Variants in PXDN observed in about 807,000 individuals in gnomAD.
PXDN encodes the protein peroxidasin.
Under a neutral mutation model 140.3 loss-of-function variants are expected in PXDN, and 77 were observed. That is an observed-to-expected ratio of 0.55 (90% confidence interval 0.46 to 0.66). PXDN has a LOEUF of 0.66. PXDN is among the 30% of genes least tolerant of loss of function. PXDN has a pLI of 0.00. For missense variants in PXDN, 1,838 were observed against 2,039.5 expected, an observed-to-expected ratio of 0.90 and a Z score of 1.90; for synonymous variants, 911 against 857.4, an observed-to-expected ratio of 1.06 and a Z score of -1.09.
rs186696020 is a variant in PXDN at position 1,696,005 on chromosome 2, C to T, written c.201-2871G>A. On this transcript the variant is annotated intron_variant, in intron 1 of 22. Transcript: ENST00000252804. ...GATGGACAGAGAGGTGCTGTCCCAT[C>T]CACAGGCCCCTGTGCCCTGTGTCTG... 3.8e-3 allele frequency among the ~76,000 whole-genome samples: 577 copies of T among 150,892 alleles called. 3 individuals carry two copies. Among genetic ancestry groups the T allele is most frequent in the Middle Eastern group, 0.031 (9 of 286 alleles).
chr2:1,687,506 C>T lies in PXDN; in HGVS notation c.416+126G>A. ...CTGTTTTTCCGTCATCATGCACGTA[C>T]TCCCCGCACCTCAGGTAGCATAGTC... On this transcript the variant is annotated intron_variant, in intron 4 of 22. Coordinates refer to ENST00000252804, the MANE Select transcript of PXDN (RefSeq NM_012293.3). This position sits in a 1 kb window ranked among gnomAD's most constrained non-coding sequence, Gnocchi z 4.0. The T allele has an allele frequency of 1.6e-6, 1 of 616,182 alleles. No individual in the cohort carries two copies. The allele number at this position is 616,182 out of a possible 1,614,324, so 38.2% of individuals were successfully genotyped here.
intron 1 of PXDN, among the ~76,000 whole-genome samples, chr2:1,741,595 A>G (rs1325855930): frequency 1.3e-5 from 2 of 152,170 alleles, no homozygotes; most frequent in African/African-American, 2.4e-5. Flanking sequence ...CTCCTGGAGC[A>G]TTTGAGGGGA....
chr2:1,644,575 G>A (rs1682806981), intron 18 of PXDN, 43 bp downstream of exon 18: 1 of 1,535,770 alleles, frequency 6.5e-7, no homozygotes, highest in Non-Finnish European at 8.8e-7. Context: ...TCCCTAAGAA[G>A]GTGGCTTAGG....
chr2:1,676,046 C>T (rs932458083), intron 8 of PXDN, among the ~76,000 whole-genome samples: 1 of 152,200 alleles, frequency 6.6e-6, no homozygotes, highest in Admixed American at 6.5e-5. Context: ...TTTGAAAGTG[C>T]TCCACTCCAA....
At chr2:1,677,110 C>G in intron 7 of PXDN, 66 bp from the exon 8 acceptor site, 1 of 1,368,248 alleles carries the variant, frequency 7.3e-7, no homozygotes, top group Non-Finnish European at 1.0e-6. Flanking sequence ...AATGACAACA[C>G]ACGCTGAGTT....
Position 1,648,189 on chromosome 2 carries a change from G to T in PXDN, c.3591C>A (p.Ile1197=). ...DLKNEIKNPE[I]REKLKRLYGS... The stretch of plus-strand genomic sequence containing the variant: ...CAGCTCACCTTTTCAGTTTCTCCCG[G>T]ATCTCAGGGTTTTTAATCTCATTTT... Residue 1197 remains isoleucine (I), a synonymous_variant, in exon 17 of 23, where the codon ATC becomes ATA. Coordinates refer to ENST00000252804, the MANE Select transcript of PXDN (RefSeq NM_012293.3). The surrounding 1 kb of genome is among the most constrained non-coding windows in gnomAD (Gnocchi z 8.9). 1.9e-6 allele frequency: 3 copies of T among 1,612,152 alleles called. No homozygotes were observed. Among genetic ancestry groups the T allele is most frequent in the Non-Finnish European group, 2.5e-6 (3 of 1,178,342 alleles).
At chr2:1,736,182 A>G (rs76744496) in intron 1 of PXDN, among the ~76,000 whole-genome samples, 2,087 of 152,294 alleles carry the variant, frequency 0.014, 53 homozygotes, top group African/African-American at 0.047. Context: ...AAACCACTAA[A>G]ACTTCCTCCA....
intron 1 of PXDN, among the ~76,000 whole-genome samples, chr2:1,705,870 G>A (rs767297771): frequency 2.6e-5 from 4 of 152,118 alleles, no homozygotes; most frequent in Admixed American, 6.5e-5. Flanking sequence ...CCTGGGACGC[G>A]TGGAGTGTCA....
In PXDN at chr2:1,639,397, ATT is replaced by A. The variant is rs760707117; in HGVS notation, c.3976_3977del (p.Asn1326CysfsTer13). 3 of 1,614,000 alleles carry A rather than the reference ATT, an allele frequency of 1.9e-6. No homozygotes were observed. The highest frequency in any genetic ancestry group is 2.5e-6 in the Non-Finnish European group (3 of 1,179,880). On this transcript the variant is annotated frameshift_variant, in exon 20 of 23. Coordinates refer to ENST00000252804, the MANE Select transcript of PXDN (RefSeq NM_012293.3). LOFTEE classifies it high-confidence loss of function. The surrounding 1 kb of genome is among the most constrained non-coding windows in gnomAD (Gnocchi z 5.0). The part of the protein sequence containing the change: ...CEDCRTRGQF[N>X]AFSYHFRGRR... ...TGCCTCGGAAATGATAGGAAAAGGCATTGAACTGCCCCCTGGTCCTACAGTCT... is the reference window on the plus strand; with the variant it reads ...TGCCTCGGAAATGATAGGAAAAGGCAGAACTGCCCCCTGGTCCTACAGTCT...
intron 1 of PXDN, among the ~76,000 whole-genome samples, chr2:1,694,785 G>A (rs1684264211): frequency 6.6e-6 from 1 of 152,224 alleles, no homozygotes; most frequent in Non-Finnish European, 1.5e-5. Flanking sequence ...GGAGGGGAAA[G>A]CAGCCATCCA....
At chr2:1,646,832 T>G (rs976728232) in intron 17 of PXDN, among the ~76,000 whole-genome samples, 1 of 152,246 alleles carries the variant, frequency 6.6e-6, no homozygotes, top group Non-Finnish European at 1.5e-5. Flanking sequence ...CCTGTGAATC[T>G]GATTCATAAT....
In PXDN at chr2:1,635,434, C is replaced by G. The variant is rs1362902650; in HGVS notation, c.4294G>C (p.Asp1432His). 1.9e-6 allele frequency: 3 copies of G among 1,596,904 alleles called. No homozygotes were observed. The highest frequency in any genetic ancestry group is 2.6e-6 in the Non-Finnish European group (3 of 1,170,892). ...TTGCATTCACAAATGGTGCATGCAT[C>G]TTTTTTCCACTTGGTGTTGTTGGCG... ...SHANNTKWKKDACTICECKDG... is the reference protein window; with the variant it reads ...SHANNTKWKKHACTICECKDG... Residue 1432 changes from aspartate to histidine, a missense_variant, in exon 22 of 23, where the codon GAT (aspartate) becomes CAT (histidine). Transcript: ENST00000252804.
chr2:1,677,586 G>A (rs371454978), intron 7 of PXDN, among the ~76,000 whole-genome samples: 5 of 152,192 alleles, frequency 3.3e-5, no homozygotes, highest in East Asian at 3.9e-4. Context: ...CTGCGTGCCC[G>A]TGACTCCACA....
intron 1 of PXDN, among the ~76,000 whole-genome samples, chr2:1,715,124 C>A (rs1391432666): frequency 2.0e-5 from 3 of 151,918 alleles, no homozygotes; most frequent in Admixed American, 6.6e-5. Context: ...CAGTATTTTT[C>A]CTGCCTTCCA....
At chr2:1,717,649 C>T (rs765601394) in intron 1 of PXDN, among the ~76,000 whole-genome samples, 2 of 152,110 alleles carry the variant, frequency 1.3e-5, no homozygotes, top group Non-Finnish European at 1.5e-5. Flanking sequence ...TGATCCTGAG[C>T]CTGGAACCAC....
Position 1,648,742 on chromosome 2 carries a change from GTGTCGCCGTCCCAGTGCGGGTTCAGCT to G in PXDN, c.3011_3037del (p.Lys1004_Asp1012del). The stretch of plus-strand genomic sequence containing the variant: ...GATCTTCCTGGTCTCATAGTAGATG[GTGTCGCCGTCCCAGTGCGGGTTCAGCT>G]TGAGCAGCTCCGTGGCAATGCGGTT... On this transcript the variant is annotated inframe_deletion, in exon 17 of 23. Transcript: ENST00000252804. The surrounding 1 kb of genome is among the most constrained non-coding windows in gnomAD (Gnocchi z 8.9). 1 of 1,604,320 alleles carries G rather than the reference GTGTCGCCGTCCCAGTGCGGGTTCAGCT, an allele frequency of 6.2e-7. No individual in the cohort carries two copies. The highest frequency in any genetic ancestry group is 8.5e-7 in the Non-Finnish European group (1 of 1,176,038).
At chr2:1,643,200 C>T (rs1473427810) in intron 19 of PXDN, among the ~76,000 whole-genome samples, 168 bp downstream of exon 19, 5 of 152,198 alleles carry the variant, frequency 3.3e-5, no homozygotes, top group Admixed American at 3.3e-4. Flanking sequence ...ATATTTTTGG[C>T]TCCGCAGTCC....
chr2:1,721,482 A>G (rs13392512), intron 1 of PXDN, among the ~76,000 whole-genome samples: 1 of 152,242 alleles, frequency 6.6e-6, no homozygotes, highest in Non-Finnish European at 1.5e-5. Flanking sequence ...AACCAAGCCC[A>G]GGAAGTAACT....
intron 19 of PXDN, among the ~76,000 whole-genome samples, chr2:1,641,413 G>A (rs577364807): frequency 6.6e-6 from 1 of 152,194 alleles, no homozygotes; most frequent in Admixed American, 6.5e-5. Context: ...GCCTCCCAAA[G>A]TGCTGAGATT....
Sources: gnomAD v4.1 joint callset for allele counts (sites outside exome capture counted in the v4.1 genomes callset) on GRCh38, gnomAD v4.1.1 for gene constraint, Gnocchi (gnomAD v3.1) non-coding constraint, MANE v1.5 for transcripts, NCBI Gene and HGNC (gene_info 2026-07-23, HGNC 2026-07-21) for gene names.